Variants in PRXL2A observed in about 807,000 individuals in gnomAD.
The protein encoded by PRXL2A is peroxiredoxin like 2A.
In PRXL2A, 26 loss-of-function variants were observed where a neutral mutation model predicts 25.6. The observed-to-expected ratio is 1.02, with a 90% confidence interval of 0.74 to 1.41. The LOEUF is 1.41. PRXL2A is among the 40% of genes most tolerant of loss of function. The pLI, the probability that PRXL2A is intolerant of heterozygous loss-of-function variation, is 0.00. For missense variants in PRXL2A, 246 were observed against 273.9 expected, an observed-to-expected ratio of 0.90 and a Z score of 0.72; for synonymous variants, 98 against 102.9, an observed-to-expected ratio of 0.95 and a Z score of 0.29.
intron 5 of PRXL2A, among the ~76,000 whole-genome samples, chr10:80,427,858 A>G (rs900529909): frequency 2.0e-5 from 3 of 152,158 alleles, no homozygotes; most frequent in African/African-American, 7.2e-5. Context: ...TTCAAGGAGC[A>G]CAGCTCATGG....
chr10:80,419,171 A>G (rs1844770187), intron 1 of PRXL2A, among the ~76,000 whole-genome samples: 1 of 151,740 alleles, frequency 6.6e-6, no homozygotes. Flanking sequence ...TTTTTAGTAG[A>G]GACAGGGTTT....
In PRXL2A at chr10:80,435,732, A is replaced by C. The variant is rs1456166128; in HGVS notation, c.*3633A>C. 3 of 152,152 alleles carry C rather than the reference A, an allele frequency of 2.0e-5. No homozygotes were observed. The highest frequency in any genetic ancestry group is 7.2e-5 in the African/African-American group (3 of 41,414). The allele number at this position is 152,152 out of a possible 1,614,324, so 9.4% of individuals were successfully genotyped here. A position where few individuals can be genotyped will look rare whatever the true frequency, so the allele number is the denominator to read the frequency against. On this transcript the variant is annotated 3_prime_UTR_variant, in exon 6 of 6. Coordinates refer to ENST00000606162, the MANE Select transcript of PRXL2A (RefSeq NM_032333.5). Reference sequence around the variant, plus strand: ...CCCAAAGTGTTTAGATTACAGGTGTAAGCCACCACACGTGGCCAGCCTCTG... The same window carrying C: ...CCCAAAGTGTTTAGATTACAGGTGTCAGCCACCACACGTGGCCAGCCTCTG...
chr10:80,432,930 C>CTCAGA lies in PRXL2A; in HGVS notation c.*832_*836dup, dbSNP rs1845317925. 1 of 152,134 alleles carries CTCAGA rather than the reference C, an allele frequency of 6.6e-6. No individual in the cohort carries two copies. The highest frequency in any genetic ancestry group is 1.5e-5 in the Non-Finnish European group (1 of 68,034). The allele number at this position is 152,134 out of a possible 1,614,324, so 9.4% of individuals were successfully genotyped here. A position where few individuals can be genotyped will look rare whatever the true frequency, so the allele number is the denominator to read the frequency against. On this transcript the variant is annotated 3_prime_UTR_variant, in exon 6 of 6. Transcript: ENST00000606162. ...TTGTTTCATTATCTTCCATTCTAACCTCAGAGATCTGTTTCTCTAGAAAAA... is the reference window on the plus strand; with the variant it reads ...TTGTTTCATTATCTTCCATTCTAACCTCAGATCAGAGATCTGTTTCTCTAGAAAAA...
intron 1 of PRXL2A, among the ~76,000 whole-genome samples, chr10:80,410,860 G>A (rs1486448893): frequency 2.6e-5 from 4 of 152,320 alleles, no homozygotes; most frequent in South Asian, 2.1e-4. Flanking sequence ...CTCTTTGAGG[G>A]GTGGGGGGCC....
At chr10:80,428,844 T>G (rs1564695278) in intron 5 of PRXL2A, among the ~76,000 whole-genome samples, 1 of 152,206 alleles carries the variant, frequency 6.6e-6, no homozygotes, top group African/African-American at 2.4e-5. Flanking sequence ...ATGTTGATAA[T>G]TACATACTCT....
chr10:80,430,641 G>A (rs1845222050), intron 5 of PRXL2A, among the ~76,000 whole-genome samples: 2 of 152,082 alleles, frequency 1.3e-5, no homozygotes, highest in Admixed American at 1.3e-4. Flanking sequence ...GCAAGACCCT[G>A]TCTGTAAATA....
intron 1 of PRXL2A, chr10:80,419,957 G>C (rs961005248): frequency 1.0e-6 from 1 of 985,214 alleles, no homozygotes; most frequent in African/African-American, 1.7e-5. Context: ...AACTAAAGAG[G>C]AAAGAAGATA....
intron 5 of PRXL2A, among the ~76,000 whole-genome samples, chr10:80,430,447 A>C (rs551460875): frequency 2.0e-4 from 31 of 152,290 alleles, no homozygotes; most frequent in Admixed American, 5.9e-4. Flanking sequence ...CTTAAAGAAG[A>C]AGCAGCTGGG....
At chr10:80,410,426 C>T (rs1367862552) in intron 1 of PRXL2A, among the ~76,000 whole-genome samples, 2 of 152,246 alleles carry the variant, frequency 1.3e-5, no homozygotes, top group African/African-American at 2.4e-5. Flanking sequence ...AGTGTTCCCA[C>T]CAGACCTAGA....
At chr10:80,411,192 T>C (rs998082883) in intron 1 of PRXL2A, among the ~76,000 whole-genome samples, 8 of 152,222 alleles carry the variant, frequency 5.3e-5, no homozygotes, top group African/African-American at 1.9e-4. Context: ...TAGACAAGGA[T>C]GGACAGAGTC....
rs372875317 is a variant in PRXL2A at position 80,427,397 on chromosome 10, G to A, written c.477G>A (p.Trp159Ter). ...TGGGATTTATCCGTCTGGGAGTGTG[G>A]TACAACTTCTTCCGAGCCTGGAACG... The part of the protein sequence containing the change: ...MFMGFIRLGV[W>*]YNFFRAWNGG... The change falls in exon 5 of 6, where the codon TGG becomes TGA. Residue 159 changes from tryptophan (W) to a stop codon, truncating the protein, a stop_gained. Transcript: ENST00000606162. LOFTEE classifies it high-confidence loss of function. 1.2e-6 allele frequency: 2 copies of A among 1,614,116 alleles called. No individual in the cohort carries two copies. Among genetic ancestry groups the A allele is most frequent in the Non-Finnish European group, 1.7e-6 (2 of 1,179,982 alleles).
At chr10:80,414,946 G>C (rs371530383) in intron 1 of PRXL2A, among the ~76,000 whole-genome samples, 1 of 152,154 alleles carries the variant, frequency 6.6e-6, no homozygotes, top group Non-Finnish European at 1.5e-5. Flanking sequence ...TTGTGTGTAG[G>C]AAAAATTGTG....
At chr10:80,409,275 A>G (rs866503090) in intron 1 of PRXL2A, among the ~76,000 whole-genome samples, 21 of 152,308 alleles carry the variant, frequency 1.4e-4, no homozygotes, top group African/African-American at 3.8e-4. Context: ...AAAGATGAAC[A>G]ATCTGCCCCC....
intron 1 of PRXL2A, chr10:80,419,985 G>A (rs760605686): frequency 5.1e-5 from 50 of 985,334 alleles, no homozygotes; most frequent in South Asian, 9.4e-5. Context: ...AAAACAGTGC[G>A]GTTGGTGTTC....
chr10:80,411,530 A>G (rs1304371549), intron 1 of PRXL2A, among the ~76,000 whole-genome samples: 2 of 152,246 alleles, frequency 1.3e-5, no homozygotes, highest in African/African-American at 2.4e-5. Context: ...ATAAACAGTC[A>G]TGGACTGGAA....
intron 1 of PRXL2A, among the ~76,000 whole-genome samples, chr10:80,413,494 ATCT>A (rs573585207): frequency 3.7e-4 from 57 of 152,248 alleles, no homozygotes; most frequent in African/African-American, 1.3e-3. Flanking sequence ...AGAAAAGGAC[ATCT>A]TCTTTTATTT....
At chr10:80,415,057 A>G (rs1045640337) in intron 1 of PRXL2A, among the ~76,000 whole-genome samples, 1 of 152,216 alleles carries the variant, frequency 6.6e-6, no homozygotes, top group South Asian at 2.1e-4. Context: ...GGGGACTTGG[A>G]TAAGAGGCTA....
intron 1 of PRXL2A, chr10:80,420,114 C>T (rs1844808821): frequency 6.0e-6 from 6 of 994,810 alleles, no homozygotes; most frequent in Non-Finnish European, 4.8e-6. Context: ...AAGTAGTCTG[C>T]CTACAGGGGA....
At chr10:80,427,279 G>T in intron 4 of PRXL2A, 53 bp from the exon 5 acceptor site, 1 of 1,536,978 alleles carries the variant, frequency 6.5e-7, no homozygotes, top group South Asian at 1.2e-5. Flanking sequence ...TCCTCCTTGA[G>T]GAAGGCAGGC....
Sources: gnomAD v4.1 joint callset for allele counts (sites outside exome capture counted in the v4.1 genomes callset) on GRCh38, gnomAD v4.1.1 for gene constraint, MANE v1.5 for transcripts, NCBI Gene and HGNC (gene_info 2026-07-23, HGNC 2026-07-21) for gene names.